CDH13: variants seen among roughly 807,000 people sequenced by gnomAD.
CDH13 encodes the protein cadherin 13, also known as cadherin-13.
A neutral mutation model predicts 63.8 loss-of-function variants in CDH13; 24 were observed. That is an observed-to-expected ratio of 0.38 (90% CI 0.27 to 0.53). CDH13 has a LOEUF of 0.53. CDH13 is among the 20% of genes least tolerant of loss of function. The pLI, the probability that CDH13 is intolerant of heterozygous loss-of-function variation, is 0.85. For synonymous variants in CDH13, 503 were observed against 355.3 expected (o/e 1.42, Z -4.67); for missense variants, 1,049 against 903.1 (o/e 1.16, Z -2.07).
At chr16:82,960,560 A>C (rs1043486050) in intron 2 of CDH13, among the ~76,000 whole-genome samples, 1 of 152,196 alleles carries the variant, frequency 6.6e-6, no homozygotes, top group African/African-American at 2.4e-5. Flanking sequence ...CACAGGCAAA[A>C]GCTATCCACT....
intron 10 of CDH13, among the ~76,000 whole-genome samples, chr16:83,687,168 G>A (rs1183234821): frequency 6.6e-6 from 1 of 152,042 alleles, no homozygotes; most frequent in Non-Finnish European, 1.5e-5. Context: ...AGCCAAGATC[G>A]TGCCACTGCC....
chr16:83,353,991 A>T (rs972733267), intron 6 of CDH13, among the ~76,000 whole-genome samples: 15 of 152,266 alleles, frequency 9.9e-5, no homozygotes, highest in African/African-American at 3.6e-4. Context: ...TAAAAATATT[A>T]AAATTAATTG....
intron 11 of CDH13, among the ~76,000 whole-genome samples, chr16:83,766,902 C>T (rs1324000923): frequency 1.3e-5 from 2 of 152,196 alleles, no homozygotes; most frequent in African/African-American, 4.8e-5. Flanking sequence ...CCTGCTTGCA[C>T]TCACTCTGTG....
chr16:83,186,248 C>G (rs987437076), intron 4 of CDH13, among the ~76,000 whole-genome samples: 3 of 151,956 alleles, frequency 2.0e-5, no homozygotes, highest in Non-Finnish European at 2.9e-5. Context: ...AAGCAATTCT[C>G]CCGACTCAGC....
At chr16:83,280,884 T>C (rs77844824) in intron 5 of CDH13, among the ~76,000 whole-genome samples, 1 of 152,232 alleles carries the variant, frequency 6.6e-6, no homozygotes, top group African/African-American at 2.4e-5. Context: ...AACCTTTTTT[T>C]CCTGAGCAGT....
chr16:83,493,624 C>G (rs2074070866), intron 7 of CDH13, among the ~76,000 whole-genome samples: 1 of 152,096 alleles, frequency 6.6e-6, no homozygotes, highest in Non-Finnish European at 1.5e-5. Flanking sequence ...CTTAAAGACT[C>G]CAGAGATGAG....
intron 6 of CDH13, among the ~76,000 whole-genome samples, chr16:83,449,609 A>AAATAC (rs1372375995): frequency 6.6e-6 from 1 of 152,182 alleles, no homozygotes; most frequent in African/African-American, 2.4e-5. Context: ...TTATGGTTCT[A>AAATAC]AATACACAGG....
At chr16:83,477,637 G>A (rs1489310) in intron 6 of CDH13, among the ~76,000 whole-genome samples, 54,380 of 151,912 alleles carry the variant, frequency 0.36, 9,872 homozygotes, top group Middle Eastern at 0.4. Context: ...GGTGGGAGGA[G>A]GAAGGGCAAA....
chr16:82,633,909 T>C (rs190765437), intron 1 of CDH13, among the ~76,000 whole-genome samples: 30 of 152,270 alleles, frequency 2.0e-4, no homozygotes, highest in African/African-American at 6.7e-4. Context: ...ACCCCAAAGA[T>C]CAGAGTAAAT....
intron 11 of CDH13, among the ~76,000 whole-genome samples, chr16:83,773,567 G>T (rs1914903239): frequency 6.6e-6 from 1 of 152,162 alleles, no homozygotes. Flanking sequence ...CCACCCCCAT[G>T]ATCCAATCAT....
At chr16:83,357,196 A>G (rs548866193) in intron 6 of CDH13, among the ~76,000 whole-genome samples, 81 of 152,244 alleles carry the variant, frequency 5.3e-4, no homozygotes, top group South Asian at 2.3e-3. Flanking sequence ...CTGCTTTGCC[A>G]TCTGTTCCTC....
chr16:83,402,991 A>C (rs1179292765), intron 6 of CDH13, among the ~76,000 whole-genome samples: 1 of 152,136 alleles, frequency 6.6e-6, no homozygotes, highest in East Asian at 1.9e-4. Flanking sequence ...TTCTTAAAGC[A>C]TGTCTGAGCT....
intron 6 of CDH13, among the ~76,000 whole-genome samples, chr16:83,439,065 G>A (rs2072406647): frequency 6.6e-6 from 1 of 152,186 alleles, no homozygotes. Context: ...GAAAATGTGG[G>A]TTTAAACTGC....
intron 7 of CDH13, among the ~76,000 whole-genome samples, chr16:83,507,551 A>G (rs924628230): frequency 1.3e-5 from 2 of 152,224 alleles, no homozygotes. Flanking sequence ...AACAAATTAA[A>G]GAGCCCAGGA....
chr16:82,674,608 A>C (rs1913682366), intron 1 of CDH13, among the ~76,000 whole-genome samples: 1 of 152,210 alleles, frequency 6.6e-6, no homozygotes, highest in Admixed American at 6.5e-5. Flanking sequence ...CAGAAGAGAG[A>C]TCTCCCTGGG....
chr16:83,610,319 C>G (rs553158201), intron 8 of CDH13, among the ~76,000 whole-genome samples: 1 of 152,034 alleles, frequency 6.6e-6, no homozygotes, highest in Non-Finnish European at 1.5e-5. Context: ...TTTCAAAATG[C>G]GTTTCTAAAT....
intron 5 of CDH13, among the ~76,000 whole-genome samples, chr16:83,260,359 T>G (rs766718874): frequency 2.0e-4 from 30 of 152,144 alleles, no homozygotes; most frequent in Non-Finnish European, 4.3e-4. Context: ...GGGACAGGAA[T>G]GAGTGGGGCT....
chr16:83,635,225 G>A (rs558753335), intron 8 of CDH13, among the ~76,000 whole-genome samples: 25 of 151,636 alleles, frequency 1.6e-4, no homozygotes, highest in South Asian at 2.1e-4. Flanking sequence ...CTTATTTGCC[G>A]TCAGTGTTCT....
chr16:82,666,229 C>T (rs1033687439), intron 1 of CDH13, among the ~76,000 whole-genome samples: 1 of 152,186 alleles, frequency 6.6e-6, no homozygotes, highest in African/African-American at 2.4e-5. Context: ...TTCCAAGCTC[C>T]TGCAATCAAC....
Sources: allele counts gnomAD v4.1 joint callset (sites outside exome capture counted in the v4.1 genomes callset), GRCh38; gene constraint gnomAD v4.1.1; transcripts MANE v1.5; gene names NCBI Gene and HGNC (gene_info 2026-07-23, HGNC 2026-07-21).